STXBP5L: variants seen among roughly 807,000 people sequenced by gnomAD.
STXBP5L encodes syntaxin-binding protein 5-like.
A neutral mutation model predicts 144.5 loss-of-function variants in STXBP5L; 65 were observed. The ratio of observed to expected loss-of-function variants is 0.45; its 90% CI spans 0.37 to 0.55. The LOEUF is 0.55. Ranked by LOEUF, STXBP5L falls within the 20% of genes least tolerant of loss-of-function variation. The pLI, the probability that STXBP5L is intolerant of heterozygous loss-of-function variation, is 0.00. For missense variants in STXBP5L, 1,298 were observed against 1,405.5 expected (o/e 0.92, Z 1.22); for synonymous variants, 505 against 469.6 (o/e 1.08, Z -0.97).
intron 3 of STXBP5L, among the ~76,000 whole-genome samples, chr3:120,958,015 A>G (rs982546133): frequency 1.3e-5 from 2 of 152,158 alleles, no homozygotes; most frequent in South Asian, 2.1e-4. Context: ...CGCTAGCAAG[A>G]CTAATAAAGA....
At chr3:121,219,905 C>T (rs2048922426) in intron 10 of STXBP5L, among the ~76,000 whole-genome samples, 1 of 152,086 alleles carries the variant, frequency 6.6e-6, no homozygotes, top group African/African-American at 2.4e-5. Context: ...TATTATGTTA[C>T]ACAACTTGTT....
At chr3:121,094,655 C>T (rs1405229413) in intron 5 of STXBP5L, among the ~76,000 whole-genome samples, 1 of 152,014 alleles carries the variant, frequency 6.6e-6, no homozygotes, top group Admixed American at 6.6e-5. Context: ...TTATTTTGAG[C>T]CTATGTGTGT....
intron 4 of STXBP5L, among the ~76,000 whole-genome samples, chr3:121,044,616 C>A (rs555185070): frequency 6.6e-6 from 1 of 152,056 alleles, no homozygotes; most frequent in Non-Finnish European, 1.5e-5. Flanking sequence ...GGGTAAGCAT[C>A]GACATTTTCA....
At chr3:121,323,385 C>G (rs976530358) in intron 20 of STXBP5L, among the ~76,000 whole-genome samples, 14 of 152,178 alleles carry the variant, frequency 9.2e-5, no homozygotes, top group African/African-American at 2.6e-4. Flanking sequence ...AAGATTATAA[C>G]TCTGATTTTC....
chr3:120,963,040 G>T (rs1939063712), intron 3 of STXBP5L, among the ~76,000 whole-genome samples: 1 of 152,174 alleles, frequency 6.6e-6, no homozygotes, highest in South Asian at 2.1e-4. Context: ...TGTAGCCGTT[G>T]TAAATGGGAG....
chr3:121,359,344 T>C (rs1223354361), intron 20 of STXBP5L, among the ~76,000 whole-genome samples: 3 of 152,170 alleles, frequency 2.0e-5, no homozygotes, highest in Admixed American at 2.0e-4. Flanking sequence ...TTTTTATATA[T>C]TTTGGTTAGT....
intron 3 of STXBP5L, among the ~76,000 whole-genome samples, chr3:121,037,701 C>T (rs1946858257): frequency 6.6e-6 from 1 of 152,018 alleles, no homozygotes; most frequent in Non-Finnish European, 1.5e-5. Flanking sequence ...CTTTCTTCCT[C>T]TCAATTTTTC....
At chr3:121,161,499 G>A (rs2046320924) in intron 9 of STXBP5L, among the ~76,000 whole-genome samples, 1 of 151,676 alleles carries the variant, frequency 6.6e-6, no homozygotes, top group African/African-American at 2.4e-5. Context: ...ACTACTTTAT[G>A]TCTAGGCTTG....
chr3:121,407,578 G>T lies in STXBP5L; in HGVS notation c.2923G>T (p.Ala975Ser), dbSNP rs183425607. ...CSSACLACFC[A>S]NGHIMIMSLP... Reference sequence around the variant, plus strand: ...CAGTGCCTGCTTGGCATGCTTTTGTGCTAACGGACATATCATGATAATGAG... The same window carrying T: ...CAGTGCCTGCTTGGCATGCTTTTGTTCTAACGGACATATCATGATAATGAG... Residue 975 changes from alanine to serine, a missense_variant, in exon 23 of 27, where the codon GCT (alanine) becomes TCT (serine). Transcript: ENST00000471454. The T allele has an allele frequency of 1.6e-3, 2,557 of 1,613,134 alleles. 2 individuals carry two copies. The highest frequency in any genetic ancestry group is 2.0e-3 in the Non-Finnish European group (2,384 of 1,179,484).
At chr3:121,007,524 T>C (rs766845804) in intron 3 of STXBP5L, among the ~76,000 whole-genome samples, 1 of 152,080 alleles carries the variant, frequency 6.6e-6, no homozygotes, top group Admixed American at 6.6e-5. Flanking sequence ...ATTTTTTTCT[T>C]GGAAAGTTTT....
At chr3:121,333,428 G>A (rs1273626309) in intron 20 of STXBP5L, among the ~76,000 whole-genome samples, 1 of 151,940 alleles carries the variant, frequency 6.6e-6, no homozygotes, top group Non-Finnish European at 1.5e-5. Flanking sequence ...AAGTTGGAAA[G>A]ATCTCTAATT....
intron 16 of STXBP5L, among the ~76,000 whole-genome samples, 166 bp from the exon 17 acceptor site, chr3:121,256,995 A>G (rs1036187139): frequency 1.3e-5 from 2 of 152,044 alleles, no homozygotes; most frequent in Admixed American, 6.6e-5. Context: ...ATACTTCTCA[A>G]CTTTCCTGTA....
At chr3:121,391,968 G>C (rs2046599953) in intron 22 of STXBP5L, among the ~76,000 whole-genome samples, 1 of 152,222 alleles carries the variant, frequency 6.6e-6, no homozygotes, top group Non-Finnish European at 1.5e-5. Flanking sequence ...TAAGTCTGCA[G>C]AAGTTGTCTG....
intron 3 of STXBP5L, among the ~76,000 whole-genome samples, chr3:121,030,471 T>C (rs897082441): frequency 6.6e-6 from 1 of 151,360 alleles, no homozygotes; most frequent in Non-Finnish European, 1.5e-5. Context: ...GAAGTGGGAG[T>C]TGAACAATGA....
intron 5 of STXBP5L, among the ~76,000 whole-genome samples, chr3:121,052,332 T>A (rs918918884): frequency 4.6e-5 from 7 of 152,226 alleles, no homozygotes; most frequent in African/African-American, 1.2e-4. Flanking sequence ...TGAACATCGA[T>A]GCAAAAATCC....
At chr3:121,207,314 C>T (rs1195989224) in intron 10 of STXBP5L, among the ~76,000 whole-genome samples, 4 of 135,310 alleles carry the variant, frequency 3.0e-5, no homozygotes, top group East Asian at 2.1e-4. Flanking sequence ...TTACTTACAC[C>T]TTATACAAAA....
At chr3:121,344,092 C>A (rs929939663) in intron 20 of STXBP5L, among the ~76,000 whole-genome samples, 2 of 151,470 alleles carry the variant, frequency 1.3e-5, no homozygotes, top group African/African-American at 4.9e-5. Context: ...AGAAATAACG[C>A]CACATATCTA....
intron 5 of STXBP5L, among the ~76,000 whole-genome samples, chr3:121,052,346 A>G (rs7646709): frequency 0.099 from 15,102 of 152,178 alleles, 1,181 homozygotes; most frequent in Admixed American, 0.2. Flanking sequence ...AAAATCCTCA[A>G]TAAAATACTG....
intron 9 of STXBP5L, among the ~76,000 whole-genome samples, chr3:121,186,233 T>A (rs1363050973): frequency 6.6e-6 from 1 of 152,230 alleles, no homozygotes; most frequent in Non-Finnish European, 1.5e-5. Context: ...TATAATCATG[T>A]CATCTGCAAA....
Sources: allele counts gnomAD v4.1 joint callset (sites outside exome capture counted in the v4.1 genomes callset), GRCh38; gene constraint gnomAD v4.1.1; transcripts MANE v1.5; gene names NCBI Gene and HGNC (gene_info 2026-07-23, HGNC 2026-07-21).